The following FRAS1 variants were observed in gnomAD, a reference collection of about 807,000 sequenced individuals.
FRAS1 encodes Fraser extracellular matrix complex subunit 1.
In FRAS1, 290 loss-of-function variants were observed where a neutral mutation model predicts 435.2. The ratio of observed to expected loss-of-function variants is 0.67; its 90% CI spans 0.61 to 0.73. The LOEUF is 0.73. FRAS1 is among the 30% of genes least tolerant of loss of function. The pLI is 0.00. For synonymous variants in FRAS1, 1,800 were observed against 1,851.0 expected, an observed-to-expected ratio of 0.97 and a Z score of 0.71; for missense variants, 4,860 against 5,001.5, an observed-to-expected ratio of 0.97 and a Z score of 0.85.
At chr4:78,202,092 C>T (rs749086820) in intron 2 of FRAS1, among the ~76,000 whole-genome samples, 1 of 152,124 alleles carries the variant, frequency 6.6e-6, no homozygotes, top group Non-Finnish European at 1.5e-5. Context: ...TGGATGCTGC[C>T]ATACACATTA....
chr4:78,111,857 G>A (rs996307225), intron 2 of FRAS1, among the ~76,000 whole-genome samples: 1 of 151,682 alleles, frequency 6.6e-6, no homozygotes, highest in African/African-American at 2.4e-5. Flanking sequence ...GAAAATAAAA[G>A]GAGAATAAAA....
chr4:78,240,697 C>T (rs1188967409), intron 3 of FRAS1, among the ~76,000 whole-genome samples: 2 of 152,056 alleles, frequency 1.3e-5, no homozygotes, highest in Admixed American at 1.3e-4. Flanking sequence ...GCACATAGAT[C>T]GTATTGCAAA....
At chr4:78,367,979 A>T (rs941551826) in intron 22 of FRAS1, among the ~76,000 whole-genome samples, 3 of 152,194 alleles carry the variant, frequency 2.0e-5, no homozygotes, top group Admixed American at 2.0e-4. Flanking sequence ...TATTTTTATC[A>T]ATTATAAAGA....
intron 2 of FRAS1, among the ~76,000 whole-genome samples, chr4:78,121,691 G>A (rs1719032194): frequency 6.6e-6 from 1 of 152,206 alleles, no homozygotes; most frequent in African/African-American, 2.4e-5. Context: ...GGTTACGCTT[G>A]AGCTCTATTT....
At chr4:78,284,594 T>G (rs766087017) in intron 13 of FRAS1, 46 bp downstream of exon 13, 8 of 1,527,386 alleles carry the variant, frequency 5.2e-6, no homozygotes, top group Non-Finnish European at 7.1e-6. Context: ...GTGTGGGAGA[T>G]AGACTCATCA....
intron 47 of FRAS1, among the ~76,000 whole-genome samples, chr4:78,456,449 A>G (rs184566095): frequency 1.1e-4 from 17 of 152,268 alleles, no homozygotes; most frequent in Admixed American, 1.0e-3. Flanking sequence ...GCCTCAAATA[A>G]CATATATCAC....
At chr4:78,084,432 G>A (rs958867915) in intron 2 of FRAS1, among the ~76,000 whole-genome samples, 11 of 152,056 alleles carry the variant, frequency 7.2e-5, no homozygotes, top group African/African-American at 2.7e-4. Context: ...GCCTTCAAAT[G>A]TAAATAACAA....
chr4:78,461,836 G>T (rs1719375712), intron 47 of FRAS1, among the ~76,000 whole-genome samples: 1 of 152,134 alleles, frequency 6.6e-6, no homozygotes, highest in Non-Finnish European at 1.5e-5. Context: ...CATGCTAAAT[G>T]AAAGAAACTA....
At chr4:78,093,021 G>C (rs1368325197) in intron 2 of FRAS1, among the ~76,000 whole-genome samples, 4 of 152,084 alleles carry the variant, frequency 2.6e-5, no homozygotes, top group African/African-American at 9.7e-5. Context: ...TGTGTAGCTG[G>C]GTGTCCACCA....
At chr4:78,473,717 G>A (rs952344160) in intron 53 of FRAS1, 120 bp downstream of exon 53, 1 of 655,502 alleles carries the variant, frequency 1.5e-6, no homozygotes, top group Non-Finnish European at 2.5e-6. Context: ...GGTGATGATG[G>A]CAGTGATAAA....
chr4:78,330,642 G>A (rs1164364450), intron 18 of FRAS1, among the ~76,000 whole-genome samples: 1 of 152,154 alleles, frequency 6.6e-6, no homozygotes, highest in Non-Finnish European at 1.5e-5. Flanking sequence ...GAGACTGCAG[G>A]GGTGAAATAG....
At chr4:78,404,340 G>T (rs1368192164) in intron 30 of FRAS1, among the ~76,000 whole-genome samples, 3 of 151,544 alleles carry the variant, frequency 2.0e-5, no homozygotes, top group Non-Finnish European at 4.4e-5. Flanking sequence ...TTTTAAACTT[G>T]GGTTTTCATG....
intron 61 of FRAS1, among the ~76,000 whole-genome samples, chr4:78,503,601 T>G (rs967660578): frequency 6.6e-6 from 1 of 152,232 alleles, no homozygotes; most frequent in African/African-American, 2.4e-5. Context: ...GATTCTCCTC[T>G]CATTTCTTCT....
intron 2 of FRAS1, among the ~76,000 whole-genome samples, chr4:78,161,105 C>T (rs2110024059): frequency 6.6e-6 from 1 of 151,720 alleles, no homozygotes; most frequent in South Asian, 2.1e-4. Flanking sequence ...TGTCACTGCA[C>T]TCCAGCCTGG....
At chr4:78,347,787 GT>G (rs554835851) in intron 20 of FRAS1, among the ~76,000 whole-genome samples, 3,921 of 55,028 alleles carry the variant, frequency 0.071, 56 homozygotes, top group Middle Eastern at 0.1. Context: ...GTGTGTGTGT[GT>G]TTTTTTTTTT....
At chr4:78,518,001 C>T (rs1487685879) in intron 66 of FRAS1, among the ~76,000 whole-genome samples, 2 of 151,954 alleles carry the variant, frequency 1.3e-5, no homozygotes, top group Admixed American at 1.3e-4. Context: ...CCTGTAATCT[C>T]AGTACTTTGG....
chr4:78,285,691 C>G (rs1727555970), intron 13 of FRAS1, among the ~76,000 whole-genome samples: 1 of 152,106 alleles, frequency 6.6e-6, no homozygotes. Context: ...CTATGCCTCC[C>G]AAAGTGCTGG....
intron 32 of FRAS1, among the ~76,000 whole-genome samples, chr4:78,417,722 CTT>C (rs1318746911): frequency 6.6e-6 from 1 of 152,182 alleles, no homozygotes; most frequent in Non-Finnish European, 1.5e-5. Context: ...AACCTACAAT[CTT>C]TTCATGGTTA....
At chr4:78,451,188 T>C (rs1719010637) in intron 45 of FRAS1, among the ~76,000 whole-genome samples, 1 of 152,150 alleles carries the variant, frequency 6.6e-6, no homozygotes, top group Admixed American at 6.5e-5. Flanking sequence ...ACAACCAAAT[T>C]GAAAGATGCT....
Sources: allele counts gnomAD v4.1 joint callset (sites outside exome capture counted in the v4.1 genomes callset), GRCh38; gene constraint gnomAD v4.1.1; transcripts MANE v1.5; gene names NCBI Gene and HGNC (gene_info 2026-07-23, HGNC 2026-07-21).